The following EBF3 variants were observed in gnomAD, a reference collection of about 807,000 sequenced individuals.
EBF3 encodes the protein transcription factor COE3.
Under a neutral mutation model 77.1 loss-of-function variants are expected in EBF3, and 18 were observed. The ratio of observed to expected loss-of-function variants is 0.23; its 90% CI spans 0.16 to 0.35. The LOEUF (loss-of-function observed/expected upper bound fraction) is 0.35, where lower values mean the gene tolerates loss of function less well. Among genes scored for constraint, EBF3 ranks in the 10% least tolerant of loss-of-function variants. The pLI, the probability that EBF3 is intolerant of heterozygous loss-of-function variation, is 1.00. For synonymous variants in EBF3, 350 were observed against 343.5 expected, an observed-to-expected ratio of 1.02 and a Z score of -0.21; for missense variants, 558 against 860.0, an observed-to-expected ratio of 0.65 and a Z score of 4.39.
chr10:129,958,029 G>C (rs1002651956), intron 5 of EBF3, among the ~76,000 whole-genome samples: 7 of 152,220 alleles, frequency 4.6e-5, no homozygotes, highest in South Asian at 2.1e-4. Flanking sequence ...CTTCCACTTA[G>C]AGCTTAAATC....
chr10:129,962,518 T>C (rs900925548), intron 3 of EBF3, among the ~76,000 whole-genome samples: 2 of 152,022 alleles, frequency 1.3e-5, no homozygotes. Flanking sequence ...TGTGGTCGTT[T>C]ATTTTTAGAA....
intron 6 of EBF3, among the ~76,000 whole-genome samples, chr10:129,956,236 G>T (rs1005339379): frequency 6.6e-6 from 1 of 152,308 alleles, no homozygotes; most frequent in East Asian, 1.9e-4. Flanking sequence ...TCAGACACTG[G>T]ACAGCAAAGT....
chr10:129,908,680 G>A (rs777404339), intron 6 of EBF3, among the ~76,000 whole-genome samples: 3 of 152,212 alleles, frequency 2.0e-5, no homozygotes, highest in African/African-American at 7.2e-5. Flanking sequence ...GGCGTTGATC[G>A]GATTTCCCTT....
intron 6 of EBF3, among the ~76,000 whole-genome samples, chr10:129,915,155 C>A (rs1397634984): frequency 6.6e-6 from 1 of 152,140 alleles, no homozygotes; most frequent in Admixed American, 6.5e-5. Context: ...GGAGAAGAAA[C>A]TGGACATTCA....
intron 6 of EBF3, among the ~76,000 whole-genome samples, chr10:129,932,826 G>A (rs998030609): frequency 1.3e-5 from 2 of 151,386 alleles, no homozygotes; most frequent in East Asian, 1.9e-4. Flanking sequence ...AAAACCAGCC[G>A]TCATCCTCAA....
Position 129,963,325 on chromosome 10 carries a change from C to T in EBF3, c.291+42G>A, listed in dbSNP as rs1296838683. On this transcript the variant is annotated intron_variant, in intron 2 of 16. Transcript: ENST00000440978. The surrounding 1 kb of genome is among the most constrained non-coding windows in gnomAD (Gnocchi z 7.1). ...GCGCACCGGCACCGCCTGCCTCCCGCTTCTAGAAAGAGAGAGGGTGTGATC... is the reference window on the plus strand; with the variant it reads ...GCGCACCGGCACCGCCTGCCTCCCGTTTCTAGAAAGAGAGAGGGTGTGATC... The T allele has an allele frequency of 1.3e-6, 2 of 1,554,368 alleles. No homozygotes were observed. Among genetic ancestry groups the T allele is most frequent in the African/African-American group, 1.4e-5 (1 of 70,350 alleles).
chr10:129,907,289 C>T (rs1564877349), intron 6 of EBF3, among the ~76,000 whole-genome samples: 1 of 152,236 alleles, frequency 6.6e-6, no homozygotes, highest in Non-Finnish European at 1.5e-5. Context: ...CCAAAGGCCC[C>T]TTGGCCTCAT....
At chr10:129,957,137 G>A (rs1859098858) in intron 6 of EBF3, 121 bp downstream of exon 6, 1 of 806,750 alleles carries the variant, frequency 1.2e-6, no homozygotes, top group Non-Finnish European at 2.0e-6. Flanking sequence ...AACAAATGGT[G>A]CAATGCACAA....
intron 10 of EBF3, among the ~76,000 whole-genome samples, chr10:129,866,692 G>A (rs1462536973): frequency 1.3e-5 from 2 of 152,178 alleles, no homozygotes; most frequent in African/African-American, 4.8e-5. Flanking sequence ...TGTGGCCCGG[G>A]CACTGACTTC....
chr10:129,868,009 G>A, intron 8 of EBF3, 97 bp from the exon 9 acceptor site: 1 of 1,526,536 alleles, frequency 6.6e-7, no homozygotes, highest in Non-Finnish European at 8.8e-7. Flanking sequence ...ACCGCGGGAG[G>A]AGAGGCGCGC....
intron 6 of EBF3, among the ~76,000 whole-genome samples, chr10:129,906,326 G>A (rs904563784): frequency 2.6e-5 from 4 of 152,126 alleles, no homozygotes; most frequent in African/African-American, 4.8e-5. Flanking sequence ...CAACATGTTC[G>A]TCTCCCACAG....
At chr10:129,960,774 GCAA>G (rs1157536800) in intron 4 of EBF3, among the ~76,000 whole-genome samples, 2 of 151,972 alleles carry the variant, frequency 1.3e-5, no homozygotes, top group Non-Finnish European at 2.9e-5. Context: ...CCTCCTCTGT[GCAA>G]CAACAGAGAA....
chr10:129,889,141 G>C (rs1389291834), intron 6 of EBF3, among the ~76,000 whole-genome samples: 1 of 152,246 alleles, frequency 6.6e-6, no homozygotes, highest in Non-Finnish European at 1.5e-5. Flanking sequence ...CAAAGGACAT[G>C]GTGGTCCCCT....
In EBF3 at chr10:129,840,395, A is replaced by G; in HGVS notation, c.1609T>C (p.Ser537Pro). 1 of 1,553,214 alleles carries G rather than the reference A, an allele frequency of 6.4e-7. No homozygotes were observed. Among genetic ancestry groups the G allele is most frequent in the South Asian group, 1.2e-5 (1 of 84,182 alleles). The change falls in exon 15 of 17, where the codon TCA becomes CCA. Residue 537 changes from serine (S) to proline (P), a missense_variant. Ser to Pro is a moderately conservative substitution (Grantham distance 74, BLOSUM62 -1). Coordinates refer to ENST00000440978, the MANE Select transcript of EBF3 (RefSeq NM_001375380.1). ...TMAASSVTLPSNCSSTHGIFS... is the reference protein window; with the variant it reads ...TMAASSVTLPPNCSSTHGIFS... Reference sequence around the variant, plus strand: ...ATGCCGTGTGTGCTGCTACAGTTTGAAGGGAGGGTGACCGAAGAGGCTGCC... The same window carrying G: ...ATGCCGTGTGTGCTGCTACAGTTTGGAGGGAGGGTGACCGAAGAGGCTGCC...
intron 6 of EBF3, among the ~76,000 whole-genome samples, chr10:129,911,043 C>T (rs1415770281): frequency 1.3e-5 from 2 of 152,244 alleles, no homozygotes; most frequent in African/African-American, 4.8e-5. Flanking sequence ...CGCCCACTGC[C>T]CACTCCAAAC....
chr10:129,884,878 C>G (rs966885311), intron 6 of EBF3, among the ~76,000 whole-genome samples: 6 of 152,186 alleles, frequency 3.9e-5, no homozygotes, highest in Non-Finnish European at 7.4e-5. Flanking sequence ...CTAGTGGACT[C>G]CAGCTATTTT....
chr10:129,942,195 G>A (rs1857803978), intron 6 of EBF3, among the ~76,000 whole-genome samples: 1 of 152,164 alleles, frequency 6.6e-6, no homozygotes, highest in Non-Finnish European at 1.5e-5. Context: ...TAAAAATTGT[G>A]CTTAAGTTTT....
Position 129,897,535 on chromosome 10 carries a change from T to G in EBF3, c.555-19686A>C, listed in dbSNP as rs976830240. ...CAGAGGCAACACCTATGCAGGAACT[T>G]CCTGGGAAAATACAGAGGAAACCCA... On this transcript the variant is annotated intron_variant, in intron 6 of 16. Transcript: ENST00000440978. This position sits in a 1 kb window ranked among gnomAD's most constrained non-coding sequence, Gnocchi z 4.6. Among the ~76,000 whole-genome samples, 1 of 151,830 alleles carries G rather than the reference T, an allele frequency of 6.6e-6. No homozygotes were observed. Among genetic ancestry groups the G allele is most frequent in the Non-Finnish European group, 1.5e-5 (1 of 67,982 alleles).
intron 6 of EBF3, among the ~76,000 whole-genome samples, chr10:129,894,350 A>G (rs929788838): frequency 4.6e-5 from 7 of 152,362 alleles, no homozygotes; most frequent in East Asian, 1.9e-4. Context: ...ATTAGTCACA[A>G]CGAGGGCTGA....
Sources: allele counts gnomAD v4.1 joint callset (sites outside exome capture counted in the v4.1 genomes callset), GRCh38; gene constraint gnomAD v4.1.1; non-coding constraint Gnocchi (gnomAD v3.1); transcripts MANE v1.5; gene names NCBI Gene and HGNC (gene_info 2026-07-23, HGNC 2026-07-21).